The following OCLN variants were observed in gnomAD, a reference collection of about 807,000 sequenced individuals.
OCLN encodes phosphatase 1, regulatory subunit 115.
A neutral mutation model predicts 47.9 loss-of-function variants in OCLN; 21 were observed. That is an observed-to-expected ratio of 0.44 (90% CI 0.31 to 0.63). The LOEUF is 0.63. Among genes scored for constraint, OCLN ranks in the 30% least tolerant of loss-of-function variants. OCLN has a pLI of 0.08. For synonymous variants in OCLN, 117 were observed against 198.4 expected, an observed-to-expected ratio of 0.59 and a Z score of 3.45; for missense variants, 360 against 571.0, an observed-to-expected ratio of 0.63 and a Z score of 3.77.
intron 5 of OCLN, among the ~76,000 whole-genome samples, chr5:69,536,286 C>A (rs1444274151): frequency 6.8e-6 from 1 of 147,854 alleles, no homozygotes; most frequent in Non-Finnish European, 1.5e-5. Context: ...TTAGGCTACA[C>A]TAAATTTACT....
chr5:69,518,741 A>G (rs1769045342), intron 4 of OCLN, among the ~76,000 whole-genome samples: 1 of 152,220 alleles, frequency 6.6e-6, no homozygotes, highest in Non-Finnish European at 1.5e-5. Context: ...TCTACTTAAA[A>G]TAGTGGATGA....
At chr5:69,516,377 A>G (rs1768970072) in intron 4 of OCLN, among the ~76,000 whole-genome samples, 1 of 152,168 alleles carries the variant, frequency 6.6e-6, no homozygotes, top group Admixed American at 6.5e-5. Context: ...CGCGCCTGCA[A>G]TCGCAGGCAC....
intron 4 of OCLN, among the ~76,000 whole-genome samples, chr5:69,519,696 T>A (rs752749963): frequency 3.4e-4 from 51 of 152,160 alleles, no homozygotes; most frequent in Non-Finnish European, 6.0e-4. Flanking sequence ...TATGGATGAT[T>A]TGGAAAATAC....
At chr5:69,514,543 T>TA (rs1348977407) in intron 4 of OCLN, among the ~76,000 whole-genome samples, 3 of 151,986 alleles carry the variant, frequency 2.0e-5, no homozygotes, top group Non-Finnish European at 4.4e-5. Context: ...TTTTTTTTTT[T>TA]ATTGATCATT....
intron 4 of OCLN, among the ~76,000 whole-genome samples, chr5:69,522,947 T>C (rs1335502779): frequency 1.4e-5 from 2 of 138,262 alleles, no homozygotes; most frequent in Non-Finnish European, 3.0e-5. Context: ...AGGCTATTCT[T>C]GAACTCCTGA....
chr5:69,520,445 C>T (rs868470209), intron 4 of OCLN, among the ~76,000 whole-genome samples: 13 of 151,348 alleles, frequency 8.6e-5, no homozygotes, highest in Non-Finnish European at 1.0e-4. Context: ...GGATTACAGG[C>T]GCCTGCCACT....
At chr5:69,525,892 G>A (rs1769265809) in intron 4 of OCLN, among the ~76,000 whole-genome samples, 1 of 152,114 alleles carries the variant, frequency 6.6e-6, no homozygotes, top group Admixed American at 6.5e-5. Flanking sequence ...TTTCCACTGT[G>A]ATAAAAGTAG....
At chr5:69,549,364 GAACTT>G (rs1316156964) in intron 7 of OCLN, among the ~76,000 whole-genome samples, 4 of 102,948 alleles carry the variant, frequency 3.9e-5, no homozygotes, top group African/African-American at 1.4e-4. Flanking sequence ...AAAAAAAAAA[GAACTT>G]AAGTAACACA....
intron 7 of OCLN, among the ~76,000 whole-genome samples, chr5:69,550,543 GGGTAC>G (rs1769839897): frequency 6.8e-6 from 1 of 147,348 alleles, no homozygotes; most frequent in African/African-American, 2.5e-5. Context: ...GAGAGTCAGA[GGGTAC>G]GTACCTTTGC....
intron 4 of OCLN, among the ~76,000 whole-genome samples, chr5:69,516,906 A>G (rs992789437): frequency 6.6e-6 from 1 of 152,074 alleles, no homozygotes; most frequent in Admixed American, 6.6e-5. Context: ...AAAATAAAAA[A>G]AAAATTAGCT....
Position 69,496,240 on chromosome 5 carries a change from A to C in OCLN, c.-69+3340A>C, listed in dbSNP as rs551362601. Among the ~76,000 whole-genome samples the C allele has an allele frequency of 1.2e-4, 19 of 152,126 alleles. 1 individual carries two copies. The South Asian group carries it at 4.0e-3, about 32-fold the overall frequency. ...CGGCCTCCCGAGTAGTTGGGACTACAGGCGCCTGCCACCATGCCCAGCTAA... is the reference window on the plus strand; with the variant it reads ...CGGCCTCCCGAGTAGTTGGGACTACCGGCGCCTGCCACCATGCCCAGCTAA... On this transcript the variant is annotated intron_variant, in intron 1 of 8. Coordinates refer to ENST00000396442, the MANE Select transcript of OCLN (RefSeq NM_001205254.2).
intron 1 of OCLN, among the ~76,000 whole-genome samples, chr5:69,500,434 C>CT (rs1396705449): frequency 1.7e-4 from 24 of 138,448 alleles, no homozygotes; most frequent in African/African-American, 6.4e-4. Flanking sequence ...GAGTTTTGCT[C>CT]TTTTTGCCCA....
rs896013112 is a variant in OCLN at position 69,514,011 on chromosome 5, G to A, written c.793G>A (p.Val265Met). The A allele has an allele frequency of 6.2e-7, 1 of 1,613,742 alleles. No individual in the cohort carries two copies. The highest frequency in any genetic ancestry group is 8.5e-7 in the Non-Finnish European group (1 of 1,179,670). Reference protein sequence around the residue: ...VAFALIIFFAVKTRRKMDRYD... With the variant: ...VAFALIIFFAMKTRRKMDRYD... ...TTTTGCTTTAATAATTTTCTTTGCT[G>A]TGAAAACTCGAAGAAAGATGGACAG... The change falls in exon 4 of 9, where the codon GTG becomes ATG. Residue 265 changes from valine (V) to methionine (M), a missense_variant. Transcript: ENST00000396442.
rs74738319 is a variant in OCLN, at chr5:69,529,518, C to A, written c.892-5176C>A. Among the ~76,000 whole-genome samples, 1,155 of 152,276 alleles carry A rather than the reference C, an allele frequency of 7.6e-3. 9 individuals carry two copies. The highest frequency in any genetic ancestry group is 0.026 in the African/African-American group (1,085 of 41,556). Reference sequence around the variant, plus strand: ...TTAATAAAATTTCCCTGCATATTCCCTAAATTAATAATTCATACTCCTTAA... The same window carrying A: ...TTAATAAAATTTCCCTGCATATTCCATAAATTAATAATTCATACTCCTTAA... On this transcript the variant is annotated intron_variant, in intron 4 of 8. Transcript: ENST00000396442.
chr5:69,513,536 T>C (rs1768842931), intron 3 of OCLN, among the ~76,000 whole-genome samples: 1 of 152,256 alleles, frequency 6.6e-6, no homozygotes, highest in Non-Finnish European at 1.5e-5. Context: ...GTGAATACTT[T>C]TGAGAGTAGC....
intron 1 of OCLN, among the ~76,000 whole-genome samples, chr5:69,499,928 C>T (rs1335107565): frequency 6.6e-6 from 1 of 152,186 alleles, no homozygotes; most frequent in African/African-American, 2.4e-5. Context: ...CAGGATTATT[C>T]CCGCATTTGA....
At chr5:69,504,538 GTTTATA>G (rs1418970055) in intron 2 of OCLN, among the ~76,000 whole-genome samples, 4 of 152,176 alleles carry the variant, frequency 2.6e-5, no homozygotes, top group Non-Finnish European at 4.4e-5. Context: ...GATTGCCAAG[GTTTATA>G]TTTGTATGTT....
At chr5:69,497,237 A>C (rs547296754) in intron 1 of OCLN, among the ~76,000 whole-genome samples, 43 of 36,846 alleles carry the variant, frequency 1.2e-3, no homozygotes, top group African/African-American at 3.1e-3. Flanking sequence ...TGGTTTTTGG[A>C]ATTTTTTTTT....
chr5:69,526,595 A>G (rs1162109972), intron 4 of OCLN, among the ~76,000 whole-genome samples: 1 of 80,708 alleles, frequency 1.2e-5, no homozygotes, highest in African/African-American at 3.1e-5. Flanking sequence ...GAATTTCAGA[A>G]TTTACCTTTG....
Sources: gnomAD v4.1 joint callset for allele counts (sites outside exome capture counted in the v4.1 genomes callset) on GRCh38, gnomAD v4.1.1 for gene constraint, MANE v1.5 for transcripts, NCBI Gene and HGNC (gene_info 2026-07-23, HGNC 2026-07-21) for gene names.